Variants in WDR37 observed in about 807,000 individuals in gnomAD.
The protein encoded by WDR37 is WD repeat domain 37.
WDR37 carries 19 observed loss-of-function variants against 62.9 expected under a neutral mutation model. That is an observed-to-expected ratio of 0.30 (90% CI 0.21 to 0.44). WDR37 has a LOEUF of 0.44. Ranked by LOEUF, WDR37 falls within the 20% of genes least tolerant of loss-of-function variation. The pLI is 1.00. For synonymous variants in WDR37, 250 were observed against 260.9 expected (o/e 0.96, Z 0.40); for missense variants, 474 against 657.6 (o/e 0.72, Z 3.05).
intron 1 of WDR37, among the ~76,000 whole-genome samples, chr10:1,064,969 A>G (rs1833493218): frequency 6.6e-6 from 1 of 152,130 alleles, no homozygotes; most frequent in Admixed American, 6.6e-5. Flanking sequence ...GCTGAAGGAA[A>G]AGGACTATCA....
intron 5 of WDR37, among the ~76,000 whole-genome samples, chr10:1,081,020 A>G (rs1205629432): frequency 6.6e-6 from 1 of 152,236 alleles, no homozygotes; most frequent in Admixed American, 6.5e-5. Context: ...GAGGGAATAT[A>G]TAATTTCTCT....
rs780463933 is a variant in WDR37 at position 1,086,348 on chromosome 10, G to A, written c.595G>A (p.Val199Met). ...GKCLVKYAGHVGSVNSIKFHP... is the reference protein window; with the variant it reads ...GKCLVKYAGHMGSVNSIKFHP... ...GTGCCTAGTCAAGTACGCAGGCCAC[G>A]TGGGCTCAGGTAAGCACTGCCTAAG... The change falls in exon 7 of 14, where the codon GTG (valine) becomes ATG (methionine). Residue 199 changes from valine (V) to methionine (M), a missense_variant. Transcript: ENST00000263150. 1.2e-5 allele frequency: 20 copies of A among 1,613,910 alleles called. No homozygotes were observed. The highest frequency in any genetic ancestry group is 8.0e-5 in the African/African-American group (6 of 74,938).
chr10:1,059,275 C>T (rs964880802), intron 1 of WDR37, among the ~76,000 whole-genome samples: 5 of 152,142 alleles, frequency 3.3e-5, no homozygotes, highest in Non-Finnish European at 7.3e-5. Context: ...ACTCAGGAGG[C>T]TGAAGCAGGA....
Position 1,080,402 on chromosome 10 carries a change from G to A in WDR37, c.332-10G>A. On this transcript the variant is annotated splice_polypyrimidine_tract_variant and intron_variant, in intron 4 of 13. Coordinates refer to ENST00000263150, the MANE Select transcript of WDR37 (RefSeq NM_014023.4). ...TGATTGTGTTTGATTGTCACTCTCTGTCCCTGCAGCCAGTCACAGCACCAG... is the reference window on the plus strand; with the variant it reads ...TGATTGTGTTTGATTGTCACTCTCTATCCCTGCAGCCAGTCACAGCACCAG... 6.2e-7 allele frequency: 1 copy of A among 1,614,040 alleles called. No homozygotes were observed. Among genetic ancestry groups the A allele is most frequent in the Non-Finnish European group, 8.5e-7 (1 of 1,180,020 alleles).
chr10:1,085,552 T>G (rs923214600), intron 6 of WDR37, among the ~76,000 whole-genome samples: 39 of 152,322 alleles, frequency 2.6e-4, no homozygotes, highest in African/African-American at 9.1e-4. Context: ...AGATAAAAAT[T>G]GCTCAAATTA....
Position 1,103,723 on chromosome 10 carries a change from T to C in WDR37, c.848T>C (p.Val283Ala). ...PLTSLKSHQG[V>A]VIASDWLVGG... ...ACATCCCTCAAGAGCCACCAGGGCG[T>C]GGTCATCGCCTCCGACTGGCTGGTT... The change falls in exon 10 of 14, where the codon GTG (valine) becomes GCG (alanine). Residue 283 changes from valine to alanine, a missense_variant. Physicochemically the swap from Val to Ala is moderately conservative, Grantham distance 64. Transcript: ENST00000263150. The surrounding 1 kb of genome is among the most constrained non-coding windows in gnomAD (Gnocchi z 6.3). The C allele has an allele frequency of 6.2e-7, 1 of 1,614,204 alleles. No homozygotes were observed. The highest frequency in any genetic ancestry group is 1.3e-5 in the African/African-American group (1 of 75,054).
chr10:1,101,007 G>C, intron 9 of WDR37, among the ~76,000 whole-genome samples: 1 of 152,194 alleles, frequency 6.6e-6, no homozygotes, highest in Non-Finnish European at 1.5e-5. Context: ...CTGTCACCCA[G>C]TGCTTTAGAC....
intron 2 of WDR37, among the ~76,000 whole-genome samples, chr10:1,076,159 T>C (rs1416581815): frequency 6.6e-6 from 1 of 152,032 alleles, no homozygotes; most frequent in African/African-American, 2.4e-5. Flanking sequence ...TCTTCATTGG[T>C]TTTAGAAGGA....
At chr10:1,095,867 G>A (rs1834558625) in intron 8 of WDR37, among the ~76,000 whole-genome samples, 1 of 152,204 alleles carries the variant, frequency 6.6e-6, no homozygotes, top group African/African-American at 2.4e-5. Flanking sequence ...AGGTTAGATA[G>A]ATGGAGAGGA....
intron 1 of WDR37, among the ~76,000 whole-genome samples, chr10:1,067,734 A>G (rs925297374): frequency 6.6e-6 from 1 of 152,208 alleles, no homozygotes; most frequent in African/African-American, 2.4e-5. Context: ...ACAGCTAAAT[A>G]AAAAAGTAGT....
intron 11 of WDR37, among the ~76,000 whole-genome samples, chr10:1,116,944 G>A (rs937278488): frequency 2.6e-5 from 4 of 151,734 alleles, no homozygotes; most frequent in South Asian, 4.2e-4. Context: ...AGCGCTGTCC[G>A]TGCCACCACC....
intron 2 of WDR37, among the ~76,000 whole-genome samples, chr10:1,072,648 G>T (rs190433153): frequency 2.0e-5 from 3 of 151,888 alleles, no homozygotes; most frequent in Non-Finnish European, 4.4e-5. Context: ...GATTGTGTCT[G>T]TGACGTTATA....
chr10:1,097,560 T>C (rs1331592027), intron 9 of WDR37, among the ~76,000 whole-genome samples: 1 of 152,202 alleles, frequency 6.6e-6, no homozygotes, highest in Non-Finnish European at 1.5e-5. Flanking sequence ...AGCCTGTTTC[T>C]TCCTTGGTTT....
intron 8 of WDR37, 36 bp downstream of exon 8, chr10:1,093,532 A>G: frequency 2.0e-6 from 3 of 1,531,766 alleles, no homozygotes; most frequent in Non-Finnish European, 2.7e-6. Context: ...ACAAAATGAT[A>G]GATGGTCTTA....
chr10:1,079,715 A>G (rs1477817365), intron 3 of WDR37, among the ~76,000 whole-genome samples: 2 of 151,890 alleles, frequency 1.3e-5, no homozygotes, highest in African/African-American at 2.4e-5. Flanking sequence ...TTGTATTTTC[A>G]GTAGAGACAC....
At position 1,130,401 on chromosome 10, in the gene WDR37, G is replaced by C. The variant is rs1316502789; in HGVS notation, c.*1057G>C. The C allele has an allele frequency of 6.5e-6, 1 of 152,674 alleles. No homozygotes were observed. Among genetic ancestry groups the C allele is most frequent in the Non-Finnish European group, 1.5e-5 (1 of 68,068 alleles). The allele number at this position is 152,674 out of a possible 1,614,324, so 9.5% of individuals were successfully genotyped here. On this transcript the variant is annotated 3_prime_UTR_variant, in exon 14 of 14. Transcript: ENST00000263150. ...CCTGAAGGTGTAGGCTCTCCACTTA[G>C]GCGCACAAGCTGACGGCTGCAGCCA...
chr10:1,115,601 CT>C (rs1835365106), intron 11 of WDR37, among the ~76,000 whole-genome samples: 1 of 152,240 alleles, frequency 6.6e-6, no homozygotes, highest in African/African-American at 2.4e-5. Context: ...TGCACCTGAA[CT>C]TTGTGCTTGG....
intron 13 of WDR37, among the ~76,000 whole-genome samples, chr10:1,126,275 G>C (rs140034002): frequency 4.6e-5 from 7 of 151,876 alleles, no homozygotes; most frequent in Non-Finnish European, 7.4e-5. Flanking sequence ...GCGTGGTGGC[G>C]GGCGTCTGTA....
At chr10:1,082,936 A>G (rs1005320914) in intron 5 of WDR37, among the ~76,000 whole-genome samples, 1 of 152,204 alleles carries the variant, frequency 6.6e-6, no homozygotes, top group African/African-American at 2.4e-5. Flanking sequence ...GATTTGGAAA[A>G]TGAAATTTAC....
Sources: gnomAD v4.1 joint callset for allele counts (sites outside exome capture counted in the v4.1 genomes callset) on GRCh38, gnomAD v4.1.1 for gene constraint, Gnocchi (gnomAD v3.1) non-coding constraint, MANE v1.5 for transcripts, NCBI Gene and HGNC (gene_info 2026-07-23, HGNC 2026-07-21) for gene names.